ADGRV1: variants seen among roughly 807,000 people sequenced by gnomAD.
ADGRV1 encodes adhesion G protein-coupled receptor V1.
In ADGRV1, 359 loss-of-function variants were observed where a neutral mutation model predicts 596.2. The observed-to-expected ratio is 0.60, with a 90% CI of 0.55 to 0.66. The LOEUF (loss-of-function observed/expected upper bound fraction) is 0.66, where lower values mean the gene tolerates loss of function less well. Ranked by LOEUF, ADGRV1 falls within the 30% of genes least tolerant of loss-of-function variation. ADGRV1 has a pLI of 0.00. For missense variants in ADGRV1, 7,274 were observed against 7,575.6 expected, an observed-to-expected ratio of 0.96 and a Z score of 1.48; for synonymous variants, 2,681 against 2,679.2, an observed-to-expected ratio of 1.00 and a Z score of -0.02.
chr5:90,954,972 G>C lies in ADGRV1; in HGVS notation c.17857-10443G>C, dbSNP rs77757834. 1.8e-3 allele frequency among the ~76,000 whole-genome samples: 267 copies of C among 151,988 alleles called. 1 individual carries two copies. Among genetic ancestry groups the C allele is most frequent in the African/African-American group, 5.7e-3 (238 of 41,524 alleles). On this transcript the variant is annotated intron_variant, in intron 83 of 89. Transcript: ENST00000405460. ...GTATTTGGAGATGGGGCCTTTATTT[G>C]GGAGGTAATTAGGTAATGACAGTGA... is the stretch of plus-strand genomic sequence containing the variant.
rs538351879 is a variant in ADGRV1 at position 90,910,418 on chromosome 5, C to T, written c.17856+46561C>T. ...GTGTATATTCCACTTTGAGATAATGCACATTGTGAATATAGTATTATGATT... is the reference window on the plus strand; with the variant it reads ...GTGTATATTCCACTTTGAGATAATGTACATTGTGAATATAGTATTATGATT... On this transcript the variant is annotated intron_variant, in intron 83 of 89. Coordinates refer to ENST00000405460, the MANE Select transcript of ADGRV1 (RefSeq NM_032119.4). Among the ~76,000 whole-genome samples, 13 of 152,234 alleles carry T rather than the reference C, an allele frequency of 8.5e-5. 1 individual carries two copies. In the South Asian group the frequency reaches 2.7e-3, roughly 32 times the overall value.
chr5:90,571,401 T>A (rs1477313801), intron 1 of ADGRV1, among the ~76,000 whole-genome samples: 1 of 152,130 alleles, frequency 6.6e-6, no homozygotes, highest in Non-Finnish European at 1.5e-5. Context: ...GTGCACAGCC[T>A]TATACTTGTG....
rs771333232 is a variant in ADGRV1, at chr5:90,840,578, G to C, written c.16612G>C (p.Glu5538Gln). ...TTAAATGGTGTTGTTTAATTTCTAG[G>C]AGTTGAGGAGTGCTGAAACAATTGG... ...LMMSVNFSTQELRSAETIGRT... is the reference protein window; with the variant it reads ...LMMSVNFSTQQLRSAETIGRT... The change falls in exon 78 of 90, where the codon GAG (glutamate) becomes CAG (glutamine). Residue 5538 changes from glutamate to glutamine, a missense_variant and splice_region_variant. Physicochemically the swap from Glu to Gln is conservative, Grantham distance 29. Coordinates refer to ENST00000405460, the MANE Select transcript of ADGRV1 (RefSeq NM_032119.4). 1.3e-6 allele frequency: 2 copies of C among 1,589,554 alleles called. No homozygotes were observed. Among genetic ancestry groups the C allele is most frequent in the Non-Finnish European group, 1.7e-6 (2 of 1,165,826 alleles).
chr5:90,655,075 A>C (rs1173258409), intron 20 of ADGRV1: 1 of 152,230 alleles, frequency 6.6e-6, no homozygotes, highest in African/African-American at 2.4e-5. Context: ...ATATAAAAGT[A>C]TGCATATTGT....
chr5:90,728,644 T>C, intron 48 of ADGRV1, 25 bp from the exon 49 acceptor site: 1 of 1,587,256 alleles, frequency 6.3e-7, no homozygotes. Flanking sequence ...TCATAAAGGG[T>C]TTTGTATTTC....
intron 67 of ADGRV1, among the ~76,000 whole-genome samples, chr5:90,786,643 C>T (rs902736105): frequency 4.6e-5 from 7 of 151,886 alleles, no homozygotes; most frequent in South Asian, 2.1e-4. Flanking sequence ...ATAAAGATGG[C>T]GAGAAGTGGG....
chr5:90,697,986 G>C (rs1475480090), intron 34 of ADGRV1, among the ~76,000 whole-genome samples: 1 of 152,170 alleles, frequency 6.6e-6, no homozygotes, highest in Non-Finnish European at 1.5e-5. Context: ...AGTGTCAGAT[G>C]GTTAGTGGCT....
chr5:90,629,392 T>A lies in ADGRV1; in HGVS notation c.1692T>A (p.Ala564=). Residue 564 remains alanine, a synonymous_variant, in exon 9 of 90, where the codon GCT becomes GCA. Transcript: ENST00000405460. ...LYSVLYIPAG[A]VDPLQAKEGI... ...CTGTACTTTACATTCCTGCTGGAGCTGTGGACCCCTTGCAAGCAAAAGAAG... is the reference window on the plus strand; with the variant it reads ...CTGTACTTTACATTCCTGCTGGAGCAGTGGACCCCTTGCAAGCAAAAGAAG... 6.2e-7 allele frequency: 1 copy of A among 1,613,710 alleles called. No individual in the cohort carries two copies. Among genetic ancestry groups the A allele is most frequent in the Non-Finnish European group, 8.5e-7 (1 of 1,179,844 alleles).
intron 83 of ADGRV1, among the ~76,000 whole-genome samples, chr5:90,907,113 T>C (rs1162384903): frequency 6.6e-6 from 1 of 152,192 alleles, no homozygotes; most frequent in Non-Finnish European, 1.5e-5. Flanking sequence ...ATATTTGTTA[T>C]TATGGGCATT....
intron 31 of ADGRV1, 117 bp downstream of exon 31, chr5:90,691,158 A>T: frequency 7.6e-7 from 1 of 1,307,942 alleles, no homozygotes. Context: ...TTCCTGCAAG[A>T]ATGTTCAAAC....
intron 53 of ADGRV1, among the ~76,000 whole-genome samples, chr5:90,752,035 A>T (rs898157161): frequency 6.6e-6 from 1 of 152,122 alleles, no homozygotes; most frequent in Non-Finnish European, 1.5e-5. Flanking sequence ...GAGCTAGTAT[A>T]TCTTTTTTCT....
intron 50 of ADGRV1, among the ~76,000 whole-genome samples, chr5:90,735,857 T>G (rs976041837): frequency 1.3e-5 from 2 of 152,160 alleles, no homozygotes; most frequent in African/African-American, 4.8e-5. Context: ...CAGTTATCAG[T>G]TCTAAGAGTT....
chr5:91,137,136 C>G (rs1794706687), intron 87 of ADGRV1, among the ~76,000 whole-genome samples: 1 of 151,990 alleles, frequency 6.6e-6, no homozygotes, highest in Non-Finnish European at 1.5e-5. Context: ...TTTCTTTTAT[C>G]CTTTTTTCTT....
At chr5:90,593,762 GA>G (rs1306239438) in intron 1 of ADGRV1, among the ~76,000 whole-genome samples, 3 of 150,934 alleles carry the variant, frequency 2.0e-5, no homozygotes, top group Non-Finnish European at 4.4e-5. Flanking sequence ...AGTATTCAAA[GA>G]AAAAAAATCT....
intron 85 of ADGRV1, among the ~76,000 whole-genome samples, chr5:90,985,785 G>C (rs770542184): frequency 9.2e-5 from 14 of 152,024 alleles, no homozygotes; most frequent in Non-Finnish European, 1.6e-4. Context: ...TATTAGATTG[G>C]AGCAAACTAA....
At chr5:90,723,753 A>G (rs1219795205) in intron 45 of ADGRV1, among the ~76,000 whole-genome samples, 1 of 152,238 alleles carries the variant, frequency 6.6e-6, no homozygotes, top group Non-Finnish European at 1.5e-5. Context: ...AATCATTTAT[A>G]GGGAGCCCAG....
chr5:90,697,154 C>A lies in ADGRV1; in HGVS notation c.8155+8C>A. ...CTGTCATAGGTCATGAAGGTGGGTT[C>A]CTTTTTTTGTTAAGCATATTCATTT... is the stretch of plus-strand genomic sequence containing the variant. On this transcript the variant is annotated splice_region_variant and intron_variant, in intron 34 of 89. Transcript: ENST00000405460. 1 of 1,606,582 alleles carries A rather than the reference C, an allele frequency of 6.2e-7. No homozygotes were observed. Among genetic ancestry groups the A allele is most frequent in the South Asian group, 1.1e-5 (1 of 89,946 alleles).
At chr5:90,893,682 G>T (rs939607013) in intron 83 of ADGRV1, among the ~76,000 whole-genome samples, 7 of 152,060 alleles carry the variant, frequency 4.6e-5, no homozygotes, top group Non-Finnish European at 1.5e-5. Context: ...AATAATTTTG[G>T]AACAAAAGAG....
At chr5:90,967,372 C>T (rs889242066) in intron 84 of ADGRV1, among the ~76,000 whole-genome samples, 1 of 152,090 alleles carries the variant, frequency 6.6e-6, no homozygotes, top group African/African-American at 2.4e-5. Flanking sequence ...TCAAGCTCCC[C>T]TCTCAAAAAA....
Sources: gnomAD v4.1 joint callset for allele counts (sites outside exome capture counted in the v4.1 genomes callset) on GRCh38, gnomAD v4.1.1 for gene constraint, MANE v1.5 for transcripts, NCBI Gene and HGNC (gene_info 2026-07-23, HGNC 2026-07-21) for gene names.